STK36: variants seen among roughly 807,000 people sequenced by gnomAD.
The protein encoded by STK36 is serine/threonine-protein kinase 36.
A neutral mutation model predicts 142.2 loss-of-function variants in STK36; 116 were observed. The ratio of observed to expected loss-of-function variants is 0.82; its 90% confidence interval spans 0.70 to 0.95. The LOEUF (loss-of-function observed/expected upper bound fraction) is 0.95, where lower values mean the gene tolerates loss of function less well. Ranked by LOEUF, STK36 falls within the 40% of genes least tolerant of loss-of-function variation. The pLI is 0.00. For missense variants in STK36, 1,422 were observed against 1,617.2 expected (o/e 0.88, Z 2.07); for synonymous variants, 619 against 641.7 (o/e 0.96, Z 0.53).
intron 5 of STK36, 58 bp from the exon 6 acceptor site, chr2:218,675,971 A>G (rs1940223214): frequency 1.3e-6 from 2 of 1,597,696 alleles, no homozygotes; most frequent in African/African-American, 1.3e-5. Context: ...GTTAGGTAGT[A>G]GTGACCAGGT....
Position 218,672,773 on chromosome 2 carries a change from C to G in STK36, c.-57C>G. Reference sequence around the variant, plus strand: ...AGATGTTGTGGAACTGTCCCTGGATCTATAGCTCTTCACCGTCTCTACTTT... The same window carrying G: ...AGATGTTGTGGAACTGTCCCTGGATGTATAGCTCTTCACCGTCTCTACTTT... On this transcript the variant is annotated 5_prime_UTR_variant, in exon 2 of 27. In the 5' UTR this introduces an upstream ATG that the reference lacks. Coordinates refer to ENST00000295709, the MANE Select transcript of STK36 (RefSeq NM_015690.5). The G allele has an allele frequency of 3.2e-6, 5 of 1,565,976 alleles. No homozygotes were observed. Among genetic ancestry groups the G allele is most frequent in the Non-Finnish European group, 4.4e-6 (5 of 1,136,544 alleles).
At chr2:218,693,161 C>T (rs1047623733) in intron 16 of STK36, 79 bp from the exon 17 acceptor site, 1 of 1,221,856 alleles carries the variant, frequency 8.2e-7, no homozygotes, top group Non-Finnish European at 1.2e-6. Flanking sequence ...GACTGAGAGT[C>T]CTGATCATTT....
chr2:218,690,191 T>A (rs1328899740), intron 13 of STK36, among the ~76,000 whole-genome samples: 1 of 151,532 alleles, frequency 6.6e-6, no homozygotes, highest in Non-Finnish European at 1.5e-5. Context: ...AATGGAAGGG[T>A]CAAGATGTGA....
At chr2:218,681,110 A>T (rs1940499142) in intron 10 of STK36, among the ~76,000 whole-genome samples, 1 of 149,732 alleles carries the variant, frequency 6.7e-6, no homozygotes, top group Non-Finnish European at 1.5e-5. Context: ...ACACCAGAGC[A>T]TGTAGTTTTA....
At chr2:218,690,007 A>G in intron 13 of STK36, 51 bp downstream of exon 13, 1 of 1,502,342 alleles carries the variant, frequency 6.7e-7, no homozygotes, top group African/African-American at 1.4e-5. Flanking sequence ...TTCTGTTTCT[A>G]CCCCAAGTGC....
Position 218,679,974 on chromosome 2 carries a change from C to T in STK36, c.1030C>T (p.Leu344Phe), listed in dbSNP as rs1167551459. ...TCCTGGCACAGCCCCTCTGCCCAGACTCGGGGCCACTCCTCAGGAATCAAG... is the reference window on the plus strand; with the variant it reads ...TCCTGGCACAGCCCCTCTGCCCAGATTCGGGGCCACTCCTCAGGAATCAAG... ...VAPGTAPLPR[L>F]GATPQESSLL... The change falls in exon 9 of 27, where the codon CTC (leucine) becomes TTC (phenylalanine). Residue 344 changes from leucine to phenylalanine, a missense_variant. This residue lies in a region of STK36 where 460 missense variants were observed against 449.6 expected (regional missense o/e 1.02). Transcript: ENST00000295709. 6.2e-7 allele frequency: 1 copy of T among 1,614,104 alleles called. No homozygotes were observed. Among genetic ancestry groups the T allele is most frequent in the Non-Finnish European group, 8.5e-7 (1 of 1,180,038 alleles).
At position 218,695,527 on chromosome 2, in the gene STK36, C is replaced by CTTTTTTTT. The variant is rs964956273; in HGVS notation, c.2511+909_2511+916dup. 2.1e-4 allele frequency among the ~76,000 whole-genome samples: 15 copies of CTTTTTTTT among 73,040 alleles called. 1 individual carries two copies. The highest frequency in any genetic ancestry group is 6.5e-4 in the African/African-American group (9 of 13,950). 47.9% of individuals were successfully genotyped at this position (73,040 alleles called of 152,430 possible). Reference sequence around the variant, plus strand: ...ATAGGTGTGAGCCACCATGTCCAGTCTTTTTTTTTTTTTTTTTTTTTTTTG... The same window carrying CTTTTTTTT: ...ATAGGTGTGAGCCACCATGTCCAGTCTTTTTTTTTTTTTTTTTTTTTTTTTTTTTTTTG... On this transcript the variant is annotated intron_variant, in intron 21 of 26. Coordinates refer to ENST00000295709, the MANE Select transcript of STK36 (RefSeq NM_015690.5).
intron 10 of STK36, among the ~76,000 whole-genome samples, chr2:218,683,034 GAATA>G (rs1246592783): frequency 6.6e-6 from 1 of 152,134 alleles, no homozygotes; most frequent in Admixed American, 6.6e-5. Flanking sequence ...ATTTCCTAAT[GAATA>G]GATTCAGGTT....
Position 218,689,909 on chromosome 2 carries a change from C to T in STK36, c.1611C>T (p.Ala537=), listed in dbSNP as rs143073615. The change falls in exon 13 of 27, where the codon GCC becomes GCT. Residue 537 remains alanine, a synonymous_variant. Coordinates refer to ENST00000295709, the MANE Select transcript of STK36 (RefSeq NM_015690.5). ...AGGACCTGATGGCTGTGATTCAGGC[C>T]TACTTTGCCTGTACCTTCAATCTGG... ...FLQDLMAVIQ[A]YFACTFNLER... 1.6e-4 allele frequency: 256 copies of T among 1,607,202 alleles called. 2 individuals are homozygous for T. In the African/African-American group the frequency reaches 2.7e-3, roughly 17 times the overall value.
chr2:218,672,823 C>T lies in STK36; in HGVS notation c.-7C>T. ...TCTTCCTTCTAAGAGATCCTGAAAC[C>T]TCTGTCATGGAAAAGTACCACGTGT... On this transcript the variant is annotated 5_prime_UTR_variant, in exon 2 of 27. Transcript: ENST00000295709. The T allele has an allele frequency of 6.2e-7, 1 of 1,613,906 alleles. No individual in the cohort carries two copies. The highest frequency in any genetic ancestry group is 8.5e-7 in the Non-Finnish European group (1 of 1,179,866).
chr2:218,676,184 C>T lies in STK36; in HGVS notation c.590C>T (p.Thr197Ile). The change falls in exon 6 of 27, where the codon ACC (threonine) becomes ATC (isoleucine). Residue 197 changes from threonine to isoleucine, a missense_variant. Physicochemically the swap from Thr to Ile is moderately conservative, Grantham distance 89. Around this residue, in one of 2 missense-constraint regions of STK36, gnomAD observed 460 missense variants for 449.6 expected, o/e 1.02. Transcript: ENST00000295709. ...ATACTATATGAACTGGCAGTAGGCA[C>T]CCCTCCCTTCTATGCTACAAGCATC... ...GCILYELAVG[T>I]PPFYATSIFQ... The T allele has an allele frequency of 6.2e-7, 1 of 1,614,166 alleles. No homozygotes were observed. The highest frequency in any genetic ancestry group is 8.5e-7 in the Non-Finnish European group (1 of 1,180,036).
In STK36 at chr2:218,688,816, GC is replaced by G. The variant is rs1218526702; in HGVS notation, c.1501del (p.Leu501PhefsTer6). 1.4e-5 allele frequency: 23 copies of G among 1,613,596 alleles called. No homozygotes were observed. Among genetic ancestry groups the G allele is most frequent in the Non-Finnish European group, 1.9e-5 (23 of 1,179,996 alleles). ...ALYSFCREAG[L>X]PGLLLSLLRH... ...TGTATTCCTTCTGCCGGGAGGCAGG[GC>G]TTCCTGGGCTGCTGCTGAGTCTACT... On this transcript the variant is annotated frameshift_variant, in exon 12 of 27. Coordinates refer to ENST00000295709, the MANE Select transcript of STK36 (RefSeq NM_015690.5). LOFTEE classifies it high-confidence loss of function.
chr2:218,672,728 G>A lies in STK36; in HGVS notation c.-89-13G>A, dbSNP rs1473112264. On this transcript the variant is annotated splice_polypyrimidine_tract_variant and intron_variant, in intron 1 of 26. Transcript: ENST00000295709. ...AGGTGGCTAACATTTTTCCTTTCCC[G>A]TGCCCCAACTAGGCGTCCCAGATGT... is the stretch of plus-strand genomic sequence containing the variant. 1 of 1,144,686 alleles carries A rather than the reference G, an allele frequency of 8.7e-7. No individual in the cohort carries two copies. The highest frequency in any genetic ancestry group is 1.6e-5 in the African/African-American group (1 of 64,394). The allele number at this position is 1,144,686 out of a possible 1,614,324, so 70.9% of individuals were successfully genotyped here.
intron 25 of STK36, among the ~76,000 whole-genome samples, chr2:218,698,327 T>C (rs1396665806): frequency 6.6e-6 from 1 of 152,130 alleles, no homozygotes; most frequent in Non-Finnish European, 1.5e-5. Context: ...CATTGCACAG[T>C]GGGTCTTTGT....
At chr2:218,689,503 T>C (rs1441310700) in intron 12 of STK36, among the ~76,000 whole-genome samples, 2 of 152,136 alleles carry the variant, frequency 1.3e-5, no homozygotes, top group Non-Finnish European at 2.9e-5. Flanking sequence ...TGTTTCAGAG[T>C]CAGTGTAAAT....
At chr2:218,681,077 A>G (rs1940497265) in intron 10 of STK36, among the ~76,000 whole-genome samples, 1 of 149,092 alleles carries the variant, frequency 6.7e-6, no homozygotes, top group Non-Finnish European at 1.5e-5. Flanking sequence ...TACCTCCTTC[A>G]CTGTATAATC....
chr2:218,675,476 A>G lies in STK36; in HGVS notation c.434+3A>G, dbSNP rs775092773. On this transcript the variant is annotated splice_donor_region_variant and intron_variant, in intron 5 of 26. Transcript: ENST00000295709. ...GGCATCAAGCTCTGTGACTTTGGGTAAAGATTCTGAGCATCCATCTAAGCT... is the reference window on the plus strand; with the variant it reads ...GGCATCAAGCTCTGTGACTTTGGGTGAAGATTCTGAGCATCCATCTAAGCT... 18 of 1,611,148 alleles carry G rather than the reference A, an allele frequency of 1.1e-5. No individual in the cohort carries two copies. In the African/African-American group the frequency reaches 2.3e-4, roughly 20 times the overall value.
At chr2:218,673,197 G>T in intron 2 of STK36, 1 of 412,762 alleles carries the variant, frequency 2.4e-6, no homozygotes, top group Non-Finnish European at 4.4e-6. Flanking sequence ...GATGGAGTTT[G>T]AGGATTAAAT....
chr2:218,675,518 ATCTT>A, intron 5 of STK36, 45 bp downstream of exon 5: 1 of 1,481,358 alleles, frequency 6.8e-7, no homozygotes, highest in Non-Finnish European at 9.0e-7. Context: ...TCCACACGGA[ATCTT>A]TTTTTTTTTT....
Sources: gnomAD v4.1 joint callset for allele counts (sites outside exome capture counted in the v4.1 genomes callset) on GRCh38, gnomAD v4.1.1 for gene constraint, gnomAD v4.1.1 regional missense constraint, MANE v1.5 for transcripts, NCBI Gene and HGNC (gene_info 2026-07-23, HGNC 2026-07-21) for gene names.